CAST: variants seen among roughly 807,000 people sequenced by gnomAD.
CAST encodes MIR583 host.
CAST carries 76 observed loss-of-function variants against 119.6 expected under a neutral mutation model. The ratio of observed to expected loss-of-function variants is 0.64; its 90% CI spans 0.53 to 0.77. CAST has a LOEUF of 0.77. Ranked by LOEUF, CAST falls within the 30% of genes least tolerant of loss-of-function variation. The probability of loss-of-function intolerance (pLI) is 0.00; values close to 1 mark genes in which losing one functional copy is unlikely to be tolerated. For synonymous variants in CAST, 319 were observed against 331.6 expected (o/e 0.96, Z 0.41); for missense variants, 953 against 946.5 (o/e 1.01, Z -0.09).
chr5:96,728,918 C>A, intron 6 of CAST: 1 of 469,720 alleles, frequency 2.1e-6, no homozygotes, highest in South Asian at 3.3e-5. Flanking sequence ...AGATGAAATA[C>A]TGAATTTTTC....
intron 1 of CAST, among the ~76,000 whole-genome samples, chr5:96,652,487 C>G (rs1005220112): frequency 1.3e-5 from 2 of 152,126 alleles, no homozygotes; most frequent in African/African-American, 4.8e-5. Flanking sequence ...GAGTAACCCA[C>G]AGCACCTAAT....
At chr5:96,531,789 C>T (rs552162802) in intron 1 of CAST, among the ~76,000 whole-genome samples, 1 of 152,102 alleles carries the variant, frequency 6.6e-6, no homozygotes, top group African/African-American at 2.4e-5. Flanking sequence ...AAAATATTGC[C>T]TCATAACACA....
the CAST span, among the ~76,000 whole-genome samples, chr5:96,209,539 G>C: frequency 7.2e-3 from 1,101 of 151,994 alleles, 19 homozygotes; most frequent in African/African-American, 0.026. Context: ...GTGTTTGCTT[G>C]TCTGAAAAGA....
intron 1 of CAST, among the ~76,000 whole-genome samples, chr5:96,648,153 C>T (rs1561438950): frequency 6.6e-6 from 1 of 152,178 alleles, no homozygotes; most frequent in Non-Finnish European, 1.5e-5. Context: ...TTCCACTAGG[C>T]TTTGGATGTT....
chr5:96,476,218 T>C, the CAST span, among the ~76,000 whole-genome samples: 16 of 152,318 alleles, frequency 1.1e-4, no homozygotes, highest in South Asian at 1.9e-3. Context: ...TTAGTGCACA[T>C]TGGAGACTAG....
chr5:96,235,056 A>G, the CAST span, among the ~76,000 whole-genome samples: 1 of 152,180 alleles, frequency 6.6e-6, no homozygotes, highest in South Asian at 2.1e-4. Context: ...TAGATTTTTG[A>G]AAGACAACTA....
intron 1 of CAST, among the ~76,000 whole-genome samples, chr5:96,573,933 G>A (rs1023229754): frequency 6.6e-6 from 1 of 150,846 alleles, no homozygotes; most frequent in Admixed American, 6.6e-5. Flanking sequence ...TCTATGATTT[G>A]TCTTCAGTAT....
intron 1 of CAST, among the ~76,000 whole-genome samples, chr5:96,571,229 G>GA (rs1433170344): frequency 6.6e-6 from 1 of 152,150 alleles, no homozygotes; most frequent in African/African-American, 2.4e-5. Flanking sequence ...CACTTCCGTA[G>GA]AGATAGGCAG....
At chr5:96,762,470 AT>A in intron 25 of CAST, 98 bp downstream of exon 25, 1 of 764,278 alleles carries the variant, frequency 1.3e-6, no homozygotes, top group Non-Finnish European at 2.1e-6. Context: ...AATAGGCAGA[AT>A]TATTAGGAAG....
the CAST span, among the ~76,000 whole-genome samples, chr5:96,059,071 CT>C: frequency 8.6e-5 from 13 of 151,296 alleles, no homozygotes; most frequent in African/African-American, 2.7e-4. Flanking sequence ...GAAGTAGCCC[CT>C]TTTTTTTTGT....
At chr5:96,534,093 G>C (rs567861262) in intron 1 of CAST, among the ~76,000 whole-genome samples, 1 of 152,146 alleles carries the variant, frequency 6.6e-6, no homozygotes, top group South Asian at 2.1e-4. Context: ...AACCTGACAG[G>C]TTCCTAATAC....
chr5:96,061,644 A>AGTGT, the CAST span, among the ~76,000 whole-genome samples: 146 of 149,644 alleles, frequency 9.8e-4, 1 homozygote, highest in East Asian at 3.4e-3. Flanking sequence ...CTTGTTATTC[A>AGTGT]GTGTGTGTGT....
At chr5:96,569,985 C>T (rs780496941) in intron 1 of CAST, among the ~76,000 whole-genome samples, 1 of 152,214 alleles carries the variant, frequency 6.6e-6, no homozygotes. Context: ...CTAAGACCTT[C>T]TCAATCTAAT....
At chr5:96,506,128 C>T in the CAST span, among the ~76,000 whole-genome samples, 1 of 152,226 alleles carries the variant, frequency 6.6e-6, no homozygotes, top group South Asian at 2.1e-4. Flanking sequence ...TAATGAGAGG[C>T]TGCACATAAC....
the CAST span, among the ~76,000 whole-genome samples, chr5:96,470,119 T>C: frequency 3.3e-5 from 5 of 151,450 alleles, no homozygotes; most frequent in South Asian, 2.1e-4. Context: ...TTCCCACTCA[T>C]TTTCTACTTC....
rs538350791 is a variant in CAST at position 96,760,087 on chromosome 5, C to T, written c.1834-2187C>T. Among the ~76,000 whole-genome samples, 3 of 152,046 alleles carry T rather than the reference C, an allele frequency of 2.0e-5. No homozygotes were observed. In the South Asian group the frequency reaches 6.2e-4, roughly 32 times the overall value. On this transcript the variant is annotated intron_variant, in intron 24 of 31. Transcript: ENST00000675179. ...TGTTGAACACTCAGTTCTTATGTGG[C>T]ATAAATATGTCATGAAAAAGATGGG...
the CAST span, among the ~76,000 whole-genome samples, chr5:96,176,193 A>G: frequency 6.6e-6 from 1 of 152,198 alleles, no homozygotes; most frequent in South Asian, 2.1e-4. Context: ...GCCTTCGGAG[A>G]GAGAGAGAAT....
At chr5:96,428,027 T>C in the CAST span, among the ~76,000 whole-genome samples, 1 of 151,784 alleles carries the variant, frequency 6.6e-6, no homozygotes, top group African/African-American at 2.4e-5. Flanking sequence ...AGCTATACGG[T>C]CACTGTCCGT....
chr5:96,122,950 A>T, the CAST span, among the ~76,000 whole-genome samples: 1 of 152,150 alleles, frequency 6.6e-6, no homozygotes, highest in Non-Finnish European at 1.5e-5. Context: ...AGCTCCAAAT[A>T]TTGAGTACCA....
Sources: gnomAD v4.1 joint callset for allele counts (sites outside exome capture counted in the v4.1 genomes callset) on GRCh38, gnomAD v4.1.1 for gene constraint, MANE v1.5 for transcripts, NCBI Gene and HGNC (gene_info 2026-07-23, HGNC 2026-07-21) for gene names.